SCHIP1: variants seen among roughly 807,000 people sequenced by gnomAD.
SCHIP1 encodes schwannomin interacting protein 1.
A neutral mutation model predicts 29.7 loss-of-function variants in SCHIP1; 8 were observed. The observed-to-expected ratio is 0.27, with a 90% confidence interval of 0.16 to 0.49. The LOEUF (loss-of-function observed/expected upper bound fraction) is 0.49, where lower values mean the gene tolerates loss of function less well. SCHIP1 is among the 20% of genes least tolerant of loss of function. The pLI, the probability that SCHIP1 is intolerant of heterozygous loss-of-function variation, is 0.99. For missense variants in SCHIP1, 193 were observed against 294.6 expected (o/e 0.66, Z 2.52); for synonymous variants, 76 against 94.9 (o/e 0.80, Z 1.16).
rs1322004705 is a variant in SCHIP1, at chr3:159,861,036, C to T, written c.31-5127C>T. 6.6e-6 allele frequency among the ~76,000 whole-genome samples: 1 copy of T among 152,138 alleles called. No homozygotes were observed. The highest frequency in any genetic ancestry group is 1.5e-5 in the Non-Finnish European group (1 of 68,028). ...GGATGTTATTTCCTGAAGTGTGTTC[C>T]TGAGAACCCTAGAGGCCCCCCAGAT... On this transcript the variant is annotated intron_variant, in intron 1 of 6. Transcript: ENST00000445224. This position sits in a 1 kb window ranked among gnomAD's most constrained non-coding sequence, Gnocchi z 4.1.
chr3:159,660,101 G>A, the SCHIP1 span, among the ~76,000 whole-genome samples: 2 of 152,144 alleles, frequency 1.3e-5, no homozygotes, highest in African/African-American at 4.8e-5. Flanking sequence ...GTGAATTAGA[G>A]TATTTTTGAA....
the SCHIP1 span, among the ~76,000 whole-genome samples, chr3:159,736,337 A>T: frequency 6.6e-6 from 1 of 152,178 alleles, no homozygotes; most frequent in Non-Finnish European, 1.5e-5. Context: ...TTCCTTAAAA[A>T]TATTTTTTAA....
chr3:159,773,036 C>T, the SCHIP1 span, among the ~76,000 whole-genome samples: 62 of 152,362 alleles, frequency 4.1e-4, no homozygotes, highest in South Asian at 0.012. Context: ...CCACTGCGCC[C>T]GGCCTACATT....
At chr3:159,394,816 G>A in the SCHIP1 span, among the ~76,000 whole-genome samples, 1 of 151,864 alleles carries the variant, frequency 6.6e-6, no homozygotes, top group African/African-American at 2.4e-5. Context: ...GTATCAGAAT[G>A]ATGCTGGCCT....
chr3:159,759,920 A>G, the SCHIP1 span, among the ~76,000 whole-genome samples: 1 of 152,172 alleles, frequency 6.6e-6, no homozygotes, highest in East Asian at 1.9e-4. Context: ...CCTTTCTCAA[A>G]TGTTGCCTTT....
the SCHIP1 span, among the ~76,000 whole-genome samples, chr3:159,299,206 G>A: frequency 6.6e-6 from 1 of 152,160 alleles, no homozygotes; most frequent in African/African-American, 2.4e-5. Flanking sequence ...GAGTATATGG[G>A]TGTGTATACT....
the SCHIP1 span, among the ~76,000 whole-genome samples, chr3:159,617,864 G>A: frequency 2.0e-3 from 306 of 152,156 alleles, 4 homozygotes; most frequent in Non-Finnish European, 9.3e-4. Context: ...AACATTTAGC[G>A]GGCAGAGGGG....
the SCHIP1 span, among the ~76,000 whole-genome samples, chr3:159,774,330 C>T: frequency 3.9e-5 from 6 of 152,112 alleles, no homozygotes; most frequent in East Asian, 9.7e-4. Context: ...GCTACTACTT[C>T]CCTTTTGTGA....
At chr3:159,522,369 G>A in the SCHIP1 span, among the ~76,000 whole-genome samples, 1 of 152,178 alleles carries the variant, frequency 6.6e-6, no homozygotes, top group African/African-American at 2.4e-5. Context: ...AGCATAGGGC[G>A]TGTGTCTCAA....
the SCHIP1 span, among the ~76,000 whole-genome samples, chr3:159,570,225 A>G: frequency 6.6e-6 from 1 of 152,264 alleles, no homozygotes; most frequent in South Asian, 2.1e-4. Context: ...GCCCATGCCT[A>G]TGTCCTGAAT....
chr3:159,738,902 C>G, the SCHIP1 span, among the ~76,000 whole-genome samples: 3 of 152,106 alleles, frequency 2.0e-5, no homozygotes, highest in African/African-American at 7.2e-5. Context: ...ATGGGTCGGT[C>G]TGGGAATGGA....
upstream of SCHIP1, among the ~76,000 whole-genome samples, chr3:159,836,742 A>G (rs1011203795): frequency 3.9e-5 from 6 of 152,174 alleles, no homozygotes; most frequent in African/African-American, 1.4e-4. Context: ...AAAAATCCCT[A>G]TGCTACAAAG....
At chr3:159,555,718 T>C in the SCHIP1 span, among the ~76,000 whole-genome samples, 1 of 152,210 alleles carries the variant, frequency 6.6e-6, no homozygotes, top group Admixed American at 6.5e-5. Flanking sequence ...AAGAAATAAG[T>C]GTACTAAAAA....
At chr3:159,772,966 C>T in the SCHIP1 span, among the ~76,000 whole-genome samples, 1 of 152,160 alleles carries the variant, frequency 6.6e-6, no homozygotes, top group Non-Finnish European at 1.5e-5. Context: ...GTCTCGAACT[C>T]CTGACCTCAA....
the SCHIP1 span, among the ~76,000 whole-genome samples, chr3:159,321,233 G>A: frequency 1.3e-5 from 2 of 152,140 alleles, no homozygotes; most frequent in Non-Finnish European, 2.9e-5. Flanking sequence ...CCAAAGTGCT[G>A]GGATTATAGG....
exon 1 of SCHIP1, chr3:159,839,968 A>T (rs1216688468): frequency 7.1e-7 from 1 of 1,416,734 alleles, no homozygotes; most frequent in African/African-American, 1.5e-5. Flanking sequence ...CTGGTTTCGG[A>T]GGGCTGGAGA....
At chr3:159,707,331 G>T in the SCHIP1 span, among the ~76,000 whole-genome samples, 3 of 152,208 alleles carry the variant, frequency 2.0e-5, no homozygotes, top group Non-Finnish European at 4.4e-5. Context: ...CATATGAGTT[G>T]TGTGTCCTTA....
chr3:159,738,410 A>G, the SCHIP1 span, among the ~76,000 whole-genome samples: 1 of 152,192 alleles, frequency 6.6e-6, no homozygotes, highest in Non-Finnish European at 1.5e-5. Context: ...CCTTATATTG[A>G]AATAATCCAG....
At chr3:159,819,777 C>T in the SCHIP1 span, among the ~76,000 whole-genome samples, 1 of 152,212 alleles carries the variant, frequency 6.6e-6, no homozygotes, top group African/African-American at 2.4e-5. Flanking sequence ...CTAGGACTGA[C>T]TTCCATTCTT....
Sources: gnomAD v4.1 joint callset for allele counts (sites outside exome capture counted in the v4.1 genomes callset) on GRCh38, gnomAD v4.1.1 for gene constraint, Gnocchi (gnomAD v3.1) non-coding constraint, MANE v1.5 for transcripts, NCBI Gene and HGNC (gene_info 2026-07-23, HGNC 2026-07-21) for gene names.